Variants in PARP10 observed in about 807,000 individuals in gnomAD.
PARP10 encodes the protein protein mono-ADP-ribosyltransferase PARP10.
Under a neutral mutation model 82.4 loss-of-function variants are expected in PARP10, and 56 were observed. The observed-to-expected ratio is 0.68, with a 90% CI of 0.55 to 0.85. The LOEUF (loss-of-function observed/expected upper bound fraction) is 0.85. Among genes scored for constraint, PARP10 ranks in the 40% least tolerant of loss-of-function variants. PARP10 has a pLI of 0.00. For synonymous variants in PARP10, 576 were observed against 601.1 expected (o/e 0.96, Z 0.61); for missense variants, 1,227 against 1,379.4 (o/e 0.89, Z 1.75).
At chr8:144,003,203 A>G (rs199730477) in intron 1 of PARP10, among the ~76,000 whole-genome samples, 2 of 152,090 alleles carry the variant, frequency 1.3e-5, no homozygotes, top group East Asian at 3.9e-4. Context: ...CGGGTGGATC[A>G]CTTGAGGTCA....
rs1220278260 is a variant in PARP10 at position 144,002,041 on chromosome 8, G to GA, written c.-80+10488dup. 3.3e-5 allele frequency among the ~76,000 whole-genome samples: 5 copies of GA among 151,798 alleles called. 1 individual carries two copies. In the South Asian group the frequency reaches 1.0e-3, roughly 32 times the overall value. ...GGGATTTGCTTTAAAATACTCTAGG[G>GA]AAAAAAAGGCAAGAGGGAGATAAAT... On this transcript the variant is annotated intron_variant, in intron 1 of 3. Coordinates refer to the PARP10 transcript ENST00000530478.
rs1833978521 is a variant in PARP10, at chr8:143,985,892, C to T, written c.265G>A (p.Ala89Thr). 1.9e-6 allele frequency: 3 copies of T among 1,588,878 alleles called. No individual in the cohort carries two copies. The highest frequency in any genetic ancestry group is 1.1e-5 in the South Asian group (1 of 89,034). ...SLRPAPPRAP[A>T]RLLLQGLPPG... is the part of the protein sequence containing the mutation. Reference sequence around the variant, plus strand: ...GGCAGTCCTTGGAGCAGCAGGCGTGCAGGGGCTCGTGGTGGAGCTGGCCGC... The same window carrying T: ...GGCAGTCCTTGGAGCAGCAGGCGTGTAGGGGCTCGTGGTGGAGCTGGCCGC... The change falls in exon 3 of 11, where the codon GCA (alanine) becomes ACA (threonine). Residue 89 changes from alanine (A) to threonine (T), a missense_variant. Coordinates refer to ENST00000313028, the MANE Select transcript of PARP10 (RefSeq NM_032789.5).
At chr8:143,992,138 T>C (rs1554750624), upstream of PARP10, 4 of 1,603,074 alleles carry the variant, frequency 2.5e-6, no homozygotes, top group Non-Finnish European at 3.4e-6. Context: ...ACACGCCCAC[T>C]CTTCCGGGCC....
rs199860778 is a variant in PARP10 at position 143,985,248 on chromosome 8, G to A, written c.754C>T (p.Pro252Ser). ...CTGGTGTTCTCAGCCAGCTCCTCGG[G>A]CTCCAGGATGTCGTAGTGGGGGACA... ...SLVPHYDILE[P>S]EELAENTSGG... The change falls in exon 5 of 11, where the codon CCC (proline) becomes TCC (serine). Residue 252 changes from proline (P) to serine (S), a missense_variant. By Grantham distance (74) the Pro-to-Ser change is moderately conservative. Transcript: ENST00000313028. The A allele has an allele frequency of 3.3e-5, 53 of 1,614,018 alleles. No homozygotes were observed. Among genetic ancestry groups the A allele is most frequent in the Non-Finnish European group, 3.9e-5 (46 of 1,179,998 alleles).
rs1288253688 is a variant in PARP10 at position 143,985,664 on chromosome 8, A to G, written c.437-16T>C. ...ACACGGACATCTGTGGGGTATGTGC[A>G]GGTCAGCTCAGGGAATCCCCCCTAG... On this transcript the variant is annotated splice_polypyrimidine_tract_variant and intron_variant, in intron 3 of 10. Transcript: ENST00000313028. The G allele has an allele frequency of 1.2e-6, 2 of 1,608,336 alleles. No individual in the cohort carries two copies. The highest frequency in any genetic ancestry group is 1.7e-6 in the Non-Finnish European group (2 of 1,177,294).
upstream of PARP10, chr8:143,991,440 C>A (rs918064724): frequency 1.0e-5 from 15 of 1,462,508 alleles, no homozygotes; most frequent in African/African-American, 2.9e-5. Flanking sequence ...CCCACAGGGT[C>A]CCTACCCCCA....
At position 144,001,873 on chromosome 8, in the gene PARP10, C is replaced by CGTGTGTGTGTGTGTGT. The variant is rs57117824; in HGVS notation, c.-80+10641_-80+10656dup. On this transcript the variant is annotated intron_variant, in intron 1 of 3. Transcript: ENST00000530478. ...CAAGATCCATCTTTAAATATATATA[C>CGTGTGTGTGTGTGTGT]GTGTGTGTGTGTGTGTGTGTGTGTG... Among the ~76,000 whole-genome samples, 390 of 136,498 alleles carry CGTGTGTGTGTGTGTGT rather than the reference C, an allele frequency of 2.9e-3. 3 individuals carry two copies. Among genetic ancestry groups the CGTGTGTGTGTGTGTGT allele is most frequent in the African/African-American group, 0.01 (379 of 36,850 alleles). 89.5% of individuals were successfully genotyped at this position (136,498 alleles called of 152,430 possible). A position where few individuals can be genotyped will look rare whatever the true frequency, so the allele number is the denominator to read the frequency against.
chr8:143,991,196 C>T (rs545262607), upstream of PARP10: 10 of 1,529,254 alleles, frequency 6.5e-6, no homozygotes, highest in African/African-American at 1.1e-4. Context: ...TCTGTCTTCT[C>T]TAGGGGCGGA....
chr8:143,983,140 G>A (rs781858300), intron 8 of PARP10, 27 bp downstream of exon 8: 36 of 1,611,726 alleles, frequency 2.2e-5, no homozygotes, highest in African/African-American at 1.2e-4. Context: ...CCACCCCACC[G>A]TCCCTCAGTC....
upstream of PARP10, among the ~76,000 whole-genome samples, chr8:143,995,390 T>C (rs1023573169): frequency 6.6e-6 from 1 of 152,110 alleles, no homozygotes; most frequent in African/African-American, 2.4e-5. Context: ...TAAGCCAGGC[T>C]GGGCACAGCC....
chr8:143,991,673 C>T (rs782212282), upstream of PARP10: 11 of 1,598,388 alleles, frequency 6.9e-6, no homozygotes, highest in Non-Finnish European at 9.4e-6. Context: ...GGCGCTGACC[C>T]AGCCTGTCTG....
At chr8:143,982,502 T>C (rs1007356771) in intron 9 of PARP10, among the ~76,000 whole-genome samples, 1 of 152,146 alleles carries the variant, frequency 6.6e-6, no homozygotes, top group African/African-American at 2.4e-5. Flanking sequence ...CGCAGTGTCA[T>C]CAGCACAGTG....
upstream of PARP10, chr8:143,993,346 C>A (rs1402458630): frequency 1.3e-5 from 2 of 154,098 alleles, no homozygotes; most frequent in African/African-American, 4.9e-5. Context: ...TGGCATGTTT[C>A]AGGGGAGGGG....
intron 1 of PARP10, among the ~76,000 whole-genome samples, chr8:144,006,313 CT>C (rs1834236234): frequency 6.6e-6 from 1 of 152,262 alleles, no homozygotes; most frequent in South Asian, 2.1e-4. Flanking sequence ...GCATCTCACA[CT>C]CACAACGACA....
At chr8:143,990,026 G>GCCCGGC (rs1834063320), upstream of PARP10, 1 of 142,008 alleles carries the variant, frequency 7.0e-6, no homozygotes, top group Non-Finnish European at 1.5e-5. This position sits in a 1 kb window ranked among gnomAD's most constrained non-coding sequence, Gnocchi z 5.6. Context: ...CCCGAAGCTC[G>GCCCGGC]CCCGGCCCCG....
At chr8:143,987,467 T>A (rs1323558903), upstream of PARP10, among the ~76,000 whole-genome samples, 3 of 152,206 alleles carry the variant, frequency 2.0e-5, no homozygotes, top group Non-Finnish European at 2.9e-5. Context: ...TCTCGCTAGG[T>A]AGCTAGGCTA....
Position 143,983,695 on chromosome 8 carries a change from G to T in PARP10, c.1894C>A (p.Pro632Thr), listed in dbSNP as rs533495960. 10 of 1,609,526 alleles carry T rather than the reference G, an allele frequency of 6.2e-6. No homozygotes were observed. In the Admixed American group the frequency reaches 1.3e-4, roughly 22 times the overall value. Residue 632 changes from proline to threonine, a missense_variant, in exon 8 of 11, where the codon CCA (proline) becomes ACA (threonine). Pro to Thr is a conservative substitution (Grantham distance 38, BLOSUM62 -1). Transcript: ENST00000313028. The part of the protein sequence containing the change: ...PQEQPEEEVT[P>T]GHEEEEPVAP... ...ACAGGCTCCTCCTCCTCATGCCCTG[G>T]GGTCACCTCCTCCTCTGGCTGCTCC...
Position 143,999,103 on chromosome 8 carries a change from A to C in PARP10, c.-79-12665T>G, listed in dbSNP as rs138661280. On this transcript the variant is annotated intron_variant, in intron 1 of 3. Transcript: ENST00000530478. The stretch of plus-strand genomic sequence containing the variant: ...GTTGACCATGCTGGAGTACAGCGGC[A>C]CAGTCATGGCTCACTGCAGCCTCAA... 3.9e-3 allele frequency among the ~76,000 whole-genome samples: 591 copies of C among 150,744 alleles called. 1 individual carries two copies. Among genetic ancestry groups the C allele is most frequent in the Middle Eastern group, 6.8e-3 (2 of 292 alleles).
Position 143,985,567 on chromosome 8 carries a change from C to G in PARP10, c.518G>C (p.Arg173Pro), listed in dbSNP as rs782602082. 6.2e-7 allele frequency: 1 copy of G among 1,614,048 alleles called. No homozygotes were observed. The highest frequency in any genetic ancestry group is 1.1e-5 in the South Asian group (1 of 91,080). Residue 173 changes from arginine (R) to proline (P), a missense_variant, in exon 4 of 11, where the codon CGA becomes CCA. Coordinates refer to ENST00000313028, the MANE Select transcript of PARP10 (RefSeq NM_032789.5). ...ACCATCCCCCACCACACGCACCGCT[C>G]GGGCCTGGGGAACCCGGGCCAGGGA... ...LVSLARVPQA[R>P]AVRVVGDGAS... is the part of the protein sequence containing the mutation.
Sources: allele counts gnomAD v4.1 joint callset (sites outside exome capture counted in the v4.1 genomes callset), GRCh38; gene constraint gnomAD v4.1.1; non-coding constraint Gnocchi (gnomAD v3.1); transcripts MANE v1.5; gene names NCBI Gene and HGNC (gene_info 2026-07-23, HGNC 2026-07-21).